TCTA: variants seen among roughly 807,000 people sequenced by gnomAD.
TCTA encodes the protein T-cell leukemia translocation-altered gene protein.
In TCTA, 13 loss-of-function variants were observed where a neutral mutation model predicts 13.5. The ratio of observed to expected loss-of-function variants is 0.96; its 90% CI spans 0.63 to 1.53. The LOEUF (loss-of-function observed/expected upper bound fraction) is 1.53, where lower values mean the gene tolerates loss of function less well. Among genes scored for constraint, TCTA ranks in the 40% most tolerant of loss-of-function variants. TCTA has a pLI of 0.00. For missense variants in TCTA, 138 were observed against 131.3 expected (o/e 1.05, Z -0.25); for synonymous variants, 58 against 59.0 (o/e 0.98, Z 0.08).
chr3:49,414,839 C>A lies in TCTA; in HGVS notation c.289C>A (p.Pro97Thr). The change falls in exon 3 of 3, where the codon CCT becomes ACT. Residue 97 changes from proline (P) to threonine (T), a missense_variant. Coordinates refer to ENST00000273590, the MANE Select transcript of TCTA (RefSeq NM_022171.3). Reference protein sequence around the residue: ...FPSWEMAANEPLKTHRE With the variant: ...FPSWEMAANETLKTHRE ...TTTCAGGGAAATGGCAGCAAACGAA[C>A]CTCTCAAAACCCACAGAGAATAAGG... 1 of 1,613,912 alleles carries A rather than the reference C, an allele frequency of 6.2e-7. No individual in the cohort carries two copies. The highest frequency in any genetic ancestry group is 8.5e-7 in the Non-Finnish European group (1 of 1,179,852).
intron 1 of TCTA, 73 bp from the exon 2 acceptor site, chr3:49,412,983 C>T: frequency 6.6e-7 from 1 of 1,522,024 alleles, no homozygotes; most frequent in Non-Finnish European, 9.1e-7. Flanking sequence ...TGGTCTCTAA[C>T]CTGACCTGGG....
In TCTA at chr3:49,415,562, T is replaced by C. The variant is rs1272369624; in HGVS notation, c.*700T>C. Reference sequence around the variant, plus strand: ...GAGGAAGCCTGAGGTTGACCAGCTCTGGGGTTTGTAAGGCAGGTCTGTTTT... The same window carrying C: ...GAGGAAGCCTGAGGTTGACCAGCTCCGGGGTTTGTAAGGCAGGTCTGTTTT... On this transcript the variant is annotated 3_prime_UTR_variant, in exon 3 of 3. Transcript: ENST00000273590. 1 of 152,324 alleles carries C rather than the reference T, an allele frequency of 6.6e-6. No individual in the cohort carries two copies. Among genetic ancestry groups the C allele is most frequent in the African/African-American group, 2.4e-5 (1 of 41,464 alleles). 9.4% of individuals were successfully genotyped at this position (152,324 alleles called of 1,614,324 possible).
rs769326574 is a variant in TCTA, at chr3:49,412,644, A to C, written c.214+4A>C. On this transcript the variant is annotated splice_donor_region_variant and intron_variant, in intron 1 of 2. Transcript: ENST00000273590. ...ACCGGGTTGTATCACCGTCCAGGTG[A>C]GGCTTCCTACGAACCTCCGTGGGCT... The C allele has an allele frequency of 3.7e-6, 6 of 1,612,520 alleles. No homozygotes were observed. In the South Asian group the frequency reaches 6.6e-5, roughly 18 times the overall value.
rs182906337 is a variant in TCTA, at chr3:49,414,529, C to T, written c.270-291C>T. Reference sequence around the variant, plus strand: ...AACCTGGGCAACAAGAGTGAAACTCCGTCTCAAAAAAAGAAAAGTAATAAC... The same window carrying T: ...AACCTGGGCAACAAGAGTGAAACTCTGTCTCAAAAAAAGAAAAGTAATAAC... On this transcript the variant is annotated intron_variant, in intron 2 of 2. Transcript: ENST00000273590. 1.6e-3 allele frequency among the ~76,000 whole-genome samples: 240 copies of T among 151,724 alleles called. 3 individuals carry two copies. Among genetic ancestry groups the T allele is most frequent in the African/African-American group, 4.9e-3 (202 of 41,378 alleles).
Position 49,416,374 on chromosome 3 carries a change from T to C in TCTA, c.*1512T>C, listed in dbSNP as rs1320045158. 1 of 213,438 alleles carries C rather than the reference T, an allele frequency of 4.7e-6. No individual in the cohort carries two copies. Among genetic ancestry groups the C allele is most frequent in the Non-Finnish European group, 9.7e-6 (1 of 103,052 alleles). 13.2% of individuals were successfully genotyped at this position (213,438 alleles called of 1,614,324 possible). On this transcript the variant is annotated 3_prime_UTR_variant, in exon 3 of 3. Coordinates refer to ENST00000273590, the MANE Select transcript of TCTA (RefSeq NM_022171.3). ...GCAGCTGTACTGAGGATGATGTTATTCACAGCCCCTGGCCCACCCACTAAT... is the reference window on the plus strand; with the variant it reads ...GCAGCTGTACTGAGGATGATGTTATCCACAGCCCCTGGCCCACCCACTAAT...
chr3:49,415,114 CA>C lies in TCTA; in HGVS notation c.*253del, dbSNP rs1160492305. Reference sequence around the variant, plus strand: ...GAGAGAGATTGTGTTCTTCCTCTCTCAGGGGTGATAACTCAGGAAGCCTCTG... The same window carrying C: ...GAGAGAGATTGTGTTCTTCCTCTCTCGGGGTGATAACTCAGGAAGCCTCTG... On this transcript the variant is annotated 3_prime_UTR_variant, in exon 3 of 3. Transcript: ENST00000273590. 9 of 472,672 alleles carry C rather than the reference CA, an allele frequency of 1.9e-5. No individual in the cohort carries two copies. The South Asian group carries it at 2.2e-4, about 12-fold the overall frequency. 29.3% of individuals were successfully genotyped at this position (472,672 alleles called of 1,614,324 possible).
chr3:49,413,257 G>T, intron 2 of TCTA, 147 bp downstream of exon 2: 1 of 841,630 alleles, frequency 1.2e-6, no homozygotes, highest in Non-Finnish European at 1.9e-6. Context: ...TAGAGCTCAG[G>T]CTTCAAGTTA....
In TCTA at chr3:49,412,902, C is replaced by T. The variant is rs1392529772; in HGVS notation, c.215-154C>T. The T allele has an allele frequency of 1.0e-5, 8 of 786,512 alleles. No individual in the cohort carries two copies. The East Asian group carries it at 1.3e-4, about 13-fold the overall frequency. The allele number at this position is 786,512 out of a possible 1,614,324, so 48.7% of individuals were successfully genotyped here. A position where few individuals can be genotyped will look rare whatever the true frequency, so the allele number is the denominator to read the frequency against. On this transcript the variant is annotated intron_variant, in intron 1 of 2. Coordinates refer to ENST00000273590, the MANE Select transcript of TCTA (RefSeq NM_022171.3). ...GTCCACCCATCACATTGTATCTGTTCCTCAGAACTCTCACCTGGCAATACC... is the reference window on the plus strand; with the variant it reads ...GTCCACCCATCACATTGTATCTGTTTCTCAGAACTCTCACCTGGCAATACC...
Position 49,414,884 on chromosome 3 carries a change from C to T in TCTA, c.*22C>T, listed in dbSNP as rs1386791855. ...ATAAGGGAAGGCAGCAGAGGGTCTC[C>T]AAGGGCATCACTGGGTCTGCTGGCT... On this transcript the variant is annotated 3_prime_UTR_variant, in exon 3 of 3. Coordinates refer to ENST00000273590, the MANE Select transcript of TCTA (RefSeq NM_022171.3). The T allele has an allele frequency of 3.1e-6, 5 of 1,613,874 alleles. No homozygotes were observed. The Admixed American group carries it at 8.3e-5, about 27-fold the overall frequency.
Position 49,415,142 on chromosome 3 carries a change from G to C in TCTA, c.*280G>C. 2.7e-6 allele frequency: 1 copy of C among 372,614 alleles called. No homozygotes were observed. 23.1% of individuals were successfully genotyped at this position (372,614 alleles called of 1,614,324 possible). On this transcript the variant is annotated 3_prime_UTR_variant, in exon 3 of 3. Coordinates refer to ENST00000273590, the MANE Select transcript of TCTA (RefSeq NM_022171.3). ...GGGTGATAACTCAGGAAGCCTCTGG[G>C]TTGGGAAGACCATCAGTTCTTTTGT...
chr3:49,414,257 C>T (rs560865039), intron 2 of TCTA, among the ~76,000 whole-genome samples: 7 of 151,110 alleles, frequency 4.6e-5, no homozygotes, highest in Non-Finnish European at 8.8e-5. Flanking sequence ...AATAACAGGC[C>T]GGGCATGGTG....
In TCTA at chr3:49,412,445, G is replaced by T; in HGVS notation, c.19G>T (p.Gly7Trp). Residue 7 changes from glycine to tryptophan, a missense_variant, in exon 1 of 3, where the codon GGG becomes TGG. By Grantham distance (184) the Gly-to-Trp change is radical. Transcript: ENST00000273590. ...GCCAGTCATGGCGGAGTCCTGGTCT[G>T]GGCAGGCCTTGCAGGCTCTGCCGGC... MAESWS[G>W]QALQALPATV... The T allele has an allele frequency of 6.2e-7, 1 of 1,611,364 alleles. No individual in the cohort carries two copies. The highest frequency in any genetic ancestry group is 1.1e-5 in the South Asian group (1 of 91,022).
rs575154180 is a variant in TCTA, at chr3:49,413,034, C to T, written c.215-22C>T. ...ATTCCCACCCCAGCCTTCTGCAGCTCTGGATGTGTTTCTGCCTCCAGGTCT... is the reference window on the plus strand; with the variant it reads ...ATTCCCACCCCAGCCTTCTGCAGCTTTGGATGTGTTTCTGCCTCCAGGTCT... On this transcript the variant is annotated intron_variant, in intron 1 of 2. Transcript: ENST00000273590. The T allele has an allele frequency of 4.3e-6, 7 of 1,613,870 alleles. No individual in the cohort carries two copies. In the South Asian group the frequency reaches 7.7e-5, roughly 18 times the overall value.
chr3:49,413,177 A>G (rs1462981254), intron 2 of TCTA, 67 bp downstream of exon 2: 1 of 1,576,470 alleles, frequency 6.3e-7, no homozygotes, highest in Non-Finnish European at 8.7e-7. Context: ...TGCTGGTGAC[A>G]GAGAGGGGAG....
At position 49,414,655 on chromosome 3, in the gene TCTA, CTGGGCCCAGGG is replaced by C. The variant is rs71982114; in HGVS notation, c.270-159_270-149del. Among the ~76,000 whole-genome samples, 963 of 152,278 alleles carry C rather than the reference CTGGGCCCAGGG, an allele frequency of 6.3e-3. 12 individuals carry two copies. Among genetic ancestry groups the C allele is most frequent in the African/African-American group, 0.021 (891 of 41,548 alleles). Reference sequence around the variant, plus strand: ...AGAATGAGTCTGCAGGGAGAAGGTGCTGGGCCCAGGGTGGGCTGTGGGAGACCAGCAGAGAG... The same window carrying C: ...AGAATGAGTCTGCAGGGAGAAGGTGCTGGGCTGTGGGAGACCAGCAGAGAG... On this transcript the variant is annotated intron_variant, in intron 2 of 2. Coordinates refer to ENST00000273590, the MANE Select transcript of TCTA (RefSeq NM_022171.3).
intron 1 of TCTA, 90 bp from the exon 2 acceptor site, chr3:49,412,966 A>G: frequency 7.3e-7 from 1 of 1,360,864 alleles, no homozygotes; most frequent in Non-Finnish European, 1.0e-6. Context: ...TCACCAAACA[A>G]TACCAGTGGT....
In TCTA at chr3:49,414,986, A is replaced by G; in HGVS notation, c.*124A>G. On this transcript the variant is annotated 3_prime_UTR_variant, in exon 3 of 3. Coordinates refer to ENST00000273590, the MANE Select transcript of TCTA (RefSeq NM_022171.3). ...TCAGGGTTGGTAGCAGGGAGTACCCAGTGCCTACAGGGCTGGGCCTCTTCT... is the reference window on the plus strand; with the variant it reads ...TCAGGGTTGGTAGCAGGGAGTACCCGGTGCCTACAGGGCTGGGCCTCTTCT... 8.4e-7 allele frequency: 1 copy of G among 1,196,256 alleles called. No individual in the cohort carries two copies. The highest frequency in any genetic ancestry group is 1.2e-6 in the Non-Finnish European group (1 of 828,876). The allele number at this position is 1,196,256 out of a possible 1,614,324, so 74.1% of individuals were successfully genotyped here.
chr3:49,412,503 TGCGG>T lies in TCTA; in HGVS notation c.79_82del (p.Arg27SerfsTer9), dbSNP rs2107923768. On this transcript the variant is annotated frameshift_variant, in exon 1 of 3. Transcript: ENST00000273590. LOFTEE classifies it high-confidence loss of function. ...CTGGGCGCGCTGGGCAGCGAGTTCT[TGCGG>T]GAGTGGGAGGCGCAGGACATGCGCG... 6.2e-7 allele frequency: 1 copy of T among 1,614,174 alleles called. No individual in the cohort carries two copies. Among genetic ancestry groups the T allele is most frequent in the East Asian group, 2.2e-5 (1 of 44,876 alleles).
rs1575300572 is a variant in TCTA at position 49,415,098 on chromosome 3, T to G, written c.*236T>G. The G allele has an allele frequency of 7.7e-6, 4 of 517,102 alleles. No individual in the cohort carries two copies. The highest frequency in any genetic ancestry group is 6.6e-5 in the Admixed American group (2 of 30,112). 32.0% of individuals were successfully genotyped at this position (517,102 alleles called of 1,614,324 possible). A position where few individuals can be genotyped will look rare whatever the true frequency, so the allele number is the denominator to read the frequency against. ...ATCTGGGTGCCTTAAGGAGAGAGAT[T>G]GTGTTCTTCCTCTCTCAGGGGTGAT... On this transcript the variant is annotated 3_prime_UTR_variant, in exon 3 of 3. Coordinates refer to ENST00000273590, the MANE Select transcript of TCTA (RefSeq NM_022171.3).
Sources: allele counts gnomAD v4.1 joint callset (sites outside exome capture counted in the v4.1 genomes callset), GRCh38; gene constraint gnomAD v4.1.1; transcripts MANE v1.5; gene names NCBI Gene and HGNC (gene_info 2026-07-23, HGNC 2026-07-21).